SHISA9: variants seen among roughly 807,000 people sequenced by gnomAD.
SHISA9 encodes the protein shisa family member 9.
A neutral mutation model predicts 38.0 loss-of-function variants in SHISA9; 13 were observed. The observed-to-expected ratio is 0.34, with a 90% CI of 0.22 to 0.54. The LOEUF (loss-of-function observed/expected upper bound fraction) is 0.54, where lower values mean the gene tolerates loss of function less well. Ranked by LOEUF, SHISA9 falls within the 20% of genes least tolerant of loss-of-function variation. The pLI is 0.91. For missense variants in SHISA9, 538 were observed against 575.8 expected (o/e 0.93, Z 0.67); for synonymous variants, 275 against 242.0 (o/e 1.14, Z -1.27).
At chr16:13,028,458 C>T (rs1217881109) in intron 2 of SHISA9, among the ~76,000 whole-genome samples, 2 of 152,032 alleles carry the variant, frequency 1.3e-5, no homozygotes, top group Non-Finnish European at 2.9e-5. Flanking sequence ...GTGAAAGACA[C>T]GTCTTACATG....
intron 4 of SHISA9, among the ~76,000 whole-genome samples, chr16:13,221,511 A>G (rs1349630007): frequency 6.6e-6 from 1 of 151,938 alleles, no homozygotes; most frequent in African/African-American, 2.4e-5. Flanking sequence ...GAAGAAGAAG[A>G]AAGCAGAGAC....
the SHISA9 span, among the ~76,000 whole-genome samples, chr16:13,404,226 G>A: frequency 1.2e-4 from 18 of 152,266 alleles, no homozygotes; most frequent in East Asian, 3.1e-3. Context: ...TTTGCTGAGC[G>A]TAGGAATAAA....
At chr16:13,011,425 G>T (rs1422142200) in intron 2 of SHISA9, among the ~76,000 whole-genome samples, 1 of 147,214 alleles carries the variant, frequency 6.8e-6, no homozygotes, top group African/African-American at 2.5e-5. Context: ...TAGATCTCTA[G>T]ACTTGCTCAT....
chr16:13,125,364 C>G (rs2050247418), intron 2 of SHISA9, among the ~76,000 whole-genome samples: 1 of 152,174 alleles, frequency 6.6e-6, no homozygotes, highest in Admixed American at 6.5e-5. Context: ...GATGAGGTGT[C>G]CTGGGTGGAA....
At chr16:13,310,796 G>A in the SHISA9 span, among the ~76,000 whole-genome samples, 1 of 148,716 alleles carries the variant, frequency 6.7e-6, no homozygotes, top group South Asian at 2.1e-4. Flanking sequence ...CAATTCTCCT[G>A]CCTCAGCCTC....
At chr16:13,151,372 G>T (rs1487668689) in intron 2 of SHISA9, among the ~76,000 whole-genome samples, 7 of 152,126 alleles carry the variant, frequency 4.6e-5, no homozygotes, top group Non-Finnish European at 7.4e-5. Context: ...CTCCCAAAGT[G>T]CTGGGATGAC....
intron 2 of SHISA9, among the ~76,000 whole-genome samples, chr16:13,106,047 T>A (rs2073922911): frequency 6.6e-6 from 1 of 152,162 alleles, no homozygotes; most frequent in South Asian, 2.1e-4. Context: ...CCCTATGCCA[T>A]TATTATTTTT....
chr16:13,177,296 A>G (rs2050739454), intron 2 of SHISA9, among the ~76,000 whole-genome samples: 1 of 152,150 alleles, frequency 6.6e-6, no homozygotes, highest in African/African-American at 2.4e-5. Flanking sequence ...AGCTCAGCAA[A>G]TGCTCATCCA....
chr16:13,213,877 G>A (rs1224190972), intron 4 of SHISA9, among the ~76,000 whole-genome samples: 1 of 152,138 alleles, frequency 6.6e-6, no homozygotes, highest in Non-Finnish European at 1.5e-5. Flanking sequence ...GCCCTACTAT[G>A]TGCCAGAGGA....
chr16:13,092,215 A>T (rs1026512966), intron 2 of SHISA9, among the ~76,000 whole-genome samples: 1 of 152,144 alleles, frequency 6.6e-6, no homozygotes, highest in Non-Finnish European at 1.5e-5. Flanking sequence ...AGGGGCAGCC[A>T]CCTATATGAG....
At chr16:13,469,313 AG>A in the SHISA9 span, among the ~76,000 whole-genome samples, 19 of 108,860 alleles carry the variant, frequency 1.7e-4, 2 homozygotes, top group Non-Finnish European at 1.8e-5. Context: ...AGAGAGAGAG[AG>A]AGAGAGAGAA....
Position 13,127,384 on chromosome 16 carries a change from G to A in SHISA9, c.692-76010G>A, listed in dbSNP as rs372518580. Among the ~76,000 whole-genome samples the A allele has an allele frequency of 1.9e-4, 28 of 145,030 alleles. No individual in the cohort carries two copies. In the South Asian group the frequency reaches 6.3e-3, roughly 33 times the overall value. Reference sequence around the variant, plus strand: ...GGGAAGGAGAGAGAAAAGAGAGGGAGGGAGAGAGAGGAAGAGAGAGAAGGA... The same window carrying A: ...GGGAAGGAGAGAGAAAAGAGAGGGAAGGAGAGAGAGGAAGAGAGAGAAGGA... On this transcript the variant is annotated intron_variant, in intron 2 of 4. Transcript: ENST00000558583.
the SHISA9 span, among the ~76,000 whole-genome samples, chr16:13,532,055 T>C: frequency 6.6e-6 from 1 of 152,336 alleles, no homozygotes; most frequent in African/African-American, 2.4e-5. Flanking sequence ...AGGAGTCTGA[T>C]GATAACTCCC....
chr16:13,149,408 C>T (rs1428185175), intron 2 of SHISA9, among the ~76,000 whole-genome samples: 1 of 152,090 alleles, frequency 6.6e-6, no homozygotes, highest in Non-Finnish European at 1.5e-5. Context: ...CAGAGGGTTT[C>T]CTGAATCCAC....
rs764314145 is a variant in SHISA9 at position 12,902,152 on chromosome 16, G to A, written c.88G>A (p.Gly30Arg). 8 of 1,498,338 alleles carry A rather than the reference G, an allele frequency of 5.3e-6. No homozygotes were observed. The South Asian group carries it at 9.7e-5, about 18-fold the overall frequency. 92.8% of individuals were successfully genotyped at this position (1,498,338 alleles called of 1,614,324 possible). A position where few individuals can be genotyped will look rare whatever the true frequency, so the allele number is the denominator to read the frequency against. ...VCRAQERAGH[G>R]QLAQLGGVLL... The stretch of plus-strand genomic sequence containing the variant: ...CCGGGCGCAGGAGCGAGCGGGACAC[G>A]GGCAGCTGGCGCAACTGGGCGGCGT... Residue 30 changes from glycine (G) to arginine (R), a missense_variant, in exon 1 of 5, where the codon GGG becomes AGG. Around this residue, in one of 4 missense-constraint regions of SHISA9, gnomAD observed 107 missense variants for 103.0 expected, o/e 1.04. Transcript: ENST00000558583.
chr16:12,977,734 G>A (rs187007046), intron 2 of SHISA9, among the ~76,000 whole-genome samples: 154 of 152,084 alleles, frequency 1.0e-3, no homozygotes, highest in African/African-American at 3.4e-3. Flanking sequence ...ACCAAACACC[G>A]CATGGTCTCA....
the SHISA9 span, among the ~76,000 whole-genome samples, chr16:13,281,844 T>C: frequency 6.6e-6 from 1 of 151,706 alleles, no homozygotes; most frequent in African/African-American, 2.4e-5. Flanking sequence ...CTTTATCCTT[T>C]ATGTTTTATT....
chr16:13,355,850 G>T, the SHISA9 span, among the ~76,000 whole-genome samples: 8 of 152,230 alleles, frequency 5.3e-5, no homozygotes, highest in Non-Finnish European at 1.0e-4. Context: ...AAGCCGAGAA[G>T]ATCTGGGAAG....
the SHISA9 span, among the ~76,000 whole-genome samples, chr16:13,537,927 G>T: frequency 6.6e-6 from 1 of 152,106 alleles, no homozygotes; most frequent in Non-Finnish European, 1.5e-5. Flanking sequence ...TTATCTTTTG[G>T]ACAGAGGAGA....
Sources: gnomAD v4.1 joint callset for allele counts (sites outside exome capture counted in the v4.1 genomes callset) on GRCh38, gnomAD v4.1.1 for gene constraint, gnomAD v4.1.1 regional missense constraint, MANE v1.5 for transcripts, NCBI Gene and HGNC (gene_info 2026-07-23, HGNC 2026-07-21) for gene names.